COL5A2: variants seen among roughly 807,000 people sequenced by gnomAD.
COL5A2 encodes the protein collagen alpha-2(V) chain.
COL5A2 carries 23 observed loss-of-function variants against 208.2 expected under a neutral mutation model. The observed-to-expected ratio is 0.11, with a 90% confidence interval of 0.08 to 0.16. COL5A2 has a LOEUF of 0.16. Ranked by LOEUF, COL5A2 falls within the 10% of genes least tolerant of loss-of-function variation. The pLI is 1.00. For synonymous variants in COL5A2, 625 were observed against 628.5 expected, an observed-to-expected ratio of 0.99 and a Z score of 0.08; for missense variants, 1,590 against 1,956.4, an observed-to-expected ratio of 0.81 and a Z score of 3.53.
At chr2:189,365,414 T>C in the COL5A2 span, among the ~76,000 whole-genome samples, 2 of 152,228 alleles carry the variant, frequency 1.3e-5, no homozygotes, top group African/African-American at 2.4e-5. Flanking sequence ...AAAACCTGGA[T>C]TGTCTTCCTA....
chr2:189,419,895 AGAG>A, the COL5A2 span, among the ~76,000 whole-genome samples: 3 of 147,148 alleles, frequency 2.0e-5, no homozygotes, highest in African/African-American at 2.5e-5. Context: ...AGAGGAGAGG[AGAG>A]GAGAAGAGGA....
chr2:189,213,577 G>A (rs1046471997), intron 1 of COL5A2, among the ~76,000 whole-genome samples: 3 of 152,178 alleles, frequency 2.0e-5, no homozygotes, highest in Non-Finnish European at 2.9e-5. Context: ...CACTATGCAA[G>A]CAGCAAAATC....
chr2:189,315,570 G>A, the COL5A2 span, among the ~76,000 whole-genome samples: 2 of 152,154 alleles, frequency 1.3e-5, no homozygotes, highest in Non-Finnish European at 2.9e-5. Flanking sequence ...AGTATTGGAA[G>A]TTCTGGCCAG....
chr2:189,402,655 T>C, the COL5A2 span, among the ~76,000 whole-genome samples: 1 of 152,266 alleles, frequency 6.6e-6, no homozygotes, highest in African/African-American at 2.4e-5. Context: ...ATAGGGAATC[T>C]TTCCCCATTG....
intron 1 of COL5A2, among the ~76,000 whole-genome samples, chr2:189,144,676 G>C (rs1688004499): frequency 6.6e-6 from 1 of 151,878 alleles, no homozygotes; most frequent in African/African-American, 2.4e-5. Flanking sequence ...CTAATGAACT[G>C]GGAAGATGAT....
intron 1 of COL5A2, among the ~76,000 whole-genome samples, chr2:189,120,658 C>G (rs1330980301): frequency 1.3e-5 from 2 of 151,868 alleles, no homozygotes; most frequent in African/African-American, 4.8e-5. Flanking sequence ...TATTTTAAAC[C>G]CTTAGACACC....
intron 53 of COL5A2, 88 bp from the exon 54 acceptor site, chr2:189,034,304 G>A: frequency 1.4e-6 from 2 of 1,400,090 alleles, no homozygotes; most frequent in South Asian, 2.4e-5. Flanking sequence ...CTTTTATAAT[G>A]TAAAGGCAAT....
chr2:189,090,819 C>CT (rs543682806), intron 7 of COL5A2, among the ~76,000 whole-genome samples: 257 of 152,280 alleles, frequency 1.7e-3, no homozygotes, highest in Middle Eastern at 3.4e-3. Context: ...CTATTGAGAC[C>CT]TATTGCTCAG....
chr2:189,066,364 G>A, intron 23 of COL5A2, 26 bp downstream of exon 23: 1 of 1,563,684 alleles, frequency 6.4e-7, no homozygotes, highest in Non-Finnish European at 8.8e-7. Context: ...ACAACTGTAA[G>A]AATGTGTTGT....
the COL5A2 span, among the ~76,000 whole-genome samples, chr2:189,323,347 A>T: frequency 6.6e-6 from 1 of 152,170 alleles, no homozygotes; most frequent in Non-Finnish European, 1.5e-5. Flanking sequence ...AAGGAAATAA[A>T]GGGTATTCAA....
chr2:189,315,965 T>G, the COL5A2 span, among the ~76,000 whole-genome samples: 1 of 152,154 alleles, frequency 6.6e-6, no homozygotes, highest in African/African-American at 2.4e-5. Context: ...AAATAATAGA[T>G]GCTGGCAAGG....
At chr2:189,386,905 C>T in the COL5A2 span, among the ~76,000 whole-genome samples, 366 of 151,872 alleles carry the variant, frequency 2.4e-3, 1 homozygote, top group Non-Finnish European at 4.5e-3. Flanking sequence ...GCCACTGTGG[C>T]GAGGAGTTTG....
In COL5A2 at chr2:189,040,335, C is replaced by CTTTTTTT. The variant is rs34847104; in HGVS notation, c.3634-779_3634-773dup. Among the ~76,000 whole-genome samples, 5 of 138,268 alleles carry CTTTTTTT rather than the reference C, an allele frequency of 3.6e-5. 1 individual carries two copies. Among genetic ancestry groups the CTTTTTTT allele is most frequent in the Non-Finnish European group, 6.2e-5 (4 of 64,994 alleles). The allele number at this position is 138,268 out of a possible 152,430, so 90.7% of individuals were successfully genotyped here. On this transcript the variant is annotated intron_variant, in intron 50 of 53. Transcript: ENST00000374866. ...TGACATAAATAAAGAGCCCTCCTGC[C>CTTTTTTT]TTTTTTTTTTTTTTTTGCCAAATAA...
chr2:189,067,967 CG>C lies in COL5A2; in HGVS notation c.1401+47del, dbSNP rs751023341. On this transcript the variant is annotated intron_variant, in intron 21 of 53. Coordinates refer to ENST00000374866, the MANE Select transcript of COL5A2 (RefSeq NM_000393.5). ...ATGACATGTTATTACTCTTGGCCCT[CG>C]TAGTTAGATTACACTAAAGGATGAT... 2.1e-6 allele frequency: 3 copies of C among 1,441,592 alleles called. 1 individual carries two copies. The South Asian group carries it at 3.4e-5, about 16-fold the overall frequency. The allele number at this position is 1,441,592 out of a possible 1,614,324, so 89.3% of individuals were successfully genotyped here. A position where few individuals can be genotyped will look rare whatever the true frequency, so the allele number is the denominator to read the frequency against.
the COL5A2 span, among the ~76,000 whole-genome samples, chr2:189,394,985 T>C: frequency 2.0e-5 from 3 of 152,200 alleles, no homozygotes; most frequent in Non-Finnish European, 4.4e-5. Context: ...AGAATTTGTG[T>C]TACTTCCTTA....
At chr2:189,071,890 C>T in intron 18 of COL5A2, 150 bp downstream of exon 18, 59 of 564,940 alleles carry the variant, frequency 1.0e-4, no homozygotes, top group South Asian at 2.1e-4. Context: ...TATCTTTTTC[C>T]ATGTAATAAT....
upstream of COL5A2, among the ~76,000 whole-genome samples, chr2:189,230,306 C>T (rs560885548): frequency 4.0e-5 from 6 of 151,626 alleles, no homozygotes; most frequent in Admixed American, 6.6e-5. Context: ...ACACAGGCAA[C>T]GAAAGCAAAA....
chr2:189,412,373 C>A, the COL5A2 span, among the ~76,000 whole-genome samples: 1 of 152,026 alleles, frequency 6.6e-6, no homozygotes, highest in Non-Finnish European at 1.5e-5. Context: ...ACTAAAAATC[C>A]AAAGATCTTT....
At chr2:189,379,714 T>C in the COL5A2 span, among the ~76,000 whole-genome samples, 54 of 152,284 alleles carry the variant, frequency 3.5e-4, no homozygotes, top group African/African-American at 1.3e-3. Flanking sequence ...CAACTTTTCA[T>C]AGTTAGTAAC....
Sources: allele counts gnomAD v4.1 joint callset (sites outside exome capture counted in the v4.1 genomes callset), GRCh38; gene constraint gnomAD v4.1.1; transcripts MANE v1.5; gene names NCBI Gene and HGNC (gene_info 2026-07-23, HGNC 2026-07-21).